Variants in CSMD1 observed in about 807,000 individuals in gnomAD.
CSMD1 encodes CUB and sushi domain-containing protein 1.
In CSMD1, 213 loss-of-function variants were observed where a neutral mutation model predicts 417.5. The observed-to-expected ratio is 0.51, with a 90% CI of 0.46 to 0.57. The LOEUF is 0.57. CSMD1 is among the 20% of genes least tolerant of loss of function. The probability of loss-of-function intolerance (pLI) is 0.00; values close to 1 mark genes in which losing one functional copy is unlikely to be tolerated. For synonymous variants in CSMD1, 2,862 were observed against 1,736.8 expected, an observed-to-expected ratio of 1.65 and a Z score of -16.11; for missense variants, 6,923 against 4,529.7, an observed-to-expected ratio of 1.53 and a Z score of -15.17.
intron 3 of CSMD1, among the ~76,000 whole-genome samples, chr8:4,302,467 A>G (rs1020413660): frequency 1.1e-4 from 17 of 152,128 alleles, no homozygotes; most frequent in African/African-American, 4.1e-4. Flanking sequence ...TGCAGACAAA[A>G]CAGCAGTCTG....
intron 3 of CSMD1, among the ~76,000 whole-genome samples, chr8:4,338,217 C>A (rs1309247400): frequency 1.3e-5 from 2 of 152,116 alleles, no homozygotes; most frequent in Non-Finnish European, 2.9e-5. Context: ...TGTCATAGTT[C>A]TTGCATATTT....
chr8:3,269,763 A>G (rs1461771972), intron 26 of CSMD1, among the ~76,000 whole-genome samples: 1 of 152,192 alleles, frequency 6.6e-6, no homozygotes, highest in Non-Finnish European at 1.5e-5. Flanking sequence ...TTTAATGAAA[A>G]GTGTCAGGCT....
At chr8:3,773,744 G>C (rs1384883110) in intron 5 of CSMD1, among the ~76,000 whole-genome samples, 2 of 152,150 alleles carry the variant, frequency 1.3e-5, no homozygotes, top group African/African-American at 4.8e-5. Context: ...AGCATGATGG[G>C]CGGTGACACT....
chr8:4,272,228 G>A (rs976830011), intron 3 of CSMD1, among the ~76,000 whole-genome samples: 3 of 152,088 alleles, frequency 2.0e-5, no homozygotes, highest in African/African-American at 4.8e-5. Context: ...TAGTACTATA[G>A]TACTTTATGC....
intron 5 of CSMD1, among the ~76,000 whole-genome samples, chr8:3,849,669 T>A (rs552911899): frequency 6.6e-6 from 1 of 152,132 alleles, no homozygotes; most frequent in Non-Finnish European, 1.5e-5. Context: ...AGGGGTCGAT[T>A]TTAGTGATGT....
chr8:4,726,374 T>C (rs1003758745), intron 1 of CSMD1, among the ~76,000 whole-genome samples: 1 of 152,116 alleles, frequency 6.6e-6, no homozygotes, highest in African/African-American at 2.4e-5. Context: ...AAAAGCTTTC[T>C]CTTCTAATGA....
intron 41 of CSMD1, chr8:3,128,450 T>C (rs1817625578): frequency 1.2e-5 from 2 of 163,836 alleles, no homozygotes; most frequent in Non-Finnish European, 1.3e-5. Context: ...ACTTTAAGAA[T>C]AAGGTGTACA....
chr8:3,691,360 C>T (rs1800232368), intron 7 of CSMD1, among the ~76,000 whole-genome samples: 1 of 150,720 alleles, frequency 6.6e-6, no homozygotes, highest in African/African-American at 2.5e-5. Context: ...GAGCAAGACT[C>T]TGTCTCAAAA....
At chr8:4,386,621 G>A (rs1039854069) in intron 3 of CSMD1, among the ~76,000 whole-genome samples, 1 of 152,220 alleles carries the variant, frequency 6.6e-6, no homozygotes, top group Non-Finnish European at 1.5e-5. Context: ...TAATCAGAGA[G>A]ACCCTGGCAA....
At chr8:4,047,023 T>G (rs915687320) in intron 3 of CSMD1, among the ~76,000 whole-genome samples, 3 of 152,168 alleles carry the variant, frequency 2.0e-5, no homozygotes, top group Non-Finnish European at 4.4e-5. Flanking sequence ...TATAGGGTTG[T>G]GACATAGAGG....
At chr8:4,268,498 A>G (rs1393904936) in intron 3 of CSMD1, among the ~76,000 whole-genome samples, 5 of 152,150 alleles carry the variant, frequency 3.3e-5, no homozygotes, top group African/African-American at 4.8e-5. Context: ...ATTTTGTAGT[A>G]TTTAGAGAAA....
At chr8:4,994,248 G>C in intron 1 of CSMD1, 84 bp downstream of exon 1, 1 of 1,254,216 alleles carries the variant, frequency 8.0e-7, no homozygotes, top group Non-Finnish European at 1.1e-6. Flanking sequence ...CGTACCCTGC[G>C]GTCCCCAAAA....
intron 11 of CSMD1, among the ~76,000 whole-genome samples, chr8:3,492,270 G>A (rs1818426767): frequency 6.6e-6 from 1 of 152,114 alleles, no homozygotes; most frequent in South Asian, 2.1e-4. Context: ...TGCTCTCAGA[G>A]CATAAAGACA....
chr8:3,449,468 C>T (rs1402040409), intron 12 of CSMD1, among the ~76,000 whole-genome samples: 2 of 151,942 alleles, frequency 1.3e-5, no homozygotes, highest in Non-Finnish European at 2.9e-5. Flanking sequence ...TTTTCTTATG[C>T]TATATTTTCT....
At chr8:4,393,459 T>A (rs1286613378) in intron 3 of CSMD1, among the ~76,000 whole-genome samples, 1 of 152,200 alleles carries the variant, frequency 6.6e-6, no homozygotes. Context: ...GAATATCACA[T>A]GCATGATTAT....
chr8:3,637,941 T>C (rs1233959415), intron 7 of CSMD1, among the ~76,000 whole-genome samples: 1 of 152,200 alleles, frequency 6.6e-6, no homozygotes, highest in African/African-American at 2.4e-5. Flanking sequence ...AGACATGACT[T>C]TGGTTCTCCT....
At chr8:3,042,638 G>A (rs1455152607) in intron 50 of CSMD1, among the ~76,000 whole-genome samples, 1 of 152,072 alleles carries the variant, frequency 6.6e-6, no homozygotes, top group Admixed American at 6.6e-5. Context: ...TGGAGCAACC[G>A]AGCAACCTTG....
Position 3,644,482 on chromosome 8 carries a change from C to G in CSMD1, c.1010-27685G>C, listed in dbSNP as rs566110741. On this transcript the variant is annotated intron_variant, in intron 7 of 69. Coordinates refer to ENST00000635120, the MANE Select transcript of CSMD1 (RefSeq NM_033225.6). The stretch of plus-strand genomic sequence containing the variant: ...GCAACTCTATGTGCTCCTTGGACAT[C>G]AAGGCTTTTGCTCTGATTAGCAAAA... Among the ~76,000 whole-genome samples, 238 of 152,224 alleles carry G rather than the reference C, an allele frequency of 1.6e-3. 1 individual carries two copies. Among genetic ancestry groups the G allele is most frequent in the Non-Finnish European group, 2.5e-3 (169 of 68,020 alleles).
At chr8:4,146,593 C>CCTTTTTTTTTT (rs1208930261) in intron 3 of CSMD1, among the ~76,000 whole-genome samples, 1 of 90,742 alleles carries the variant, frequency 1.1e-5, no homozygotes. Flanking sequence ...TATATGGACA[C>CCTTTTTTTTTT]ATTTTTTTTT....
Sources: allele counts gnomAD v4.1 joint callset (sites outside exome capture counted in the v4.1 genomes callset), GRCh38; gene constraint gnomAD v4.1.1; transcripts MANE v1.5; gene names NCBI Gene and HGNC (gene_info 2026-07-23, HGNC 2026-07-21).